Variants in SPIB observed in about 807,000 individuals in gnomAD.
SPIB encodes transcription factor Spi-B.
SPIB carries 7 observed loss-of-function variants against 31.9 expected under a neutral mutation model. The ratio of observed to expected loss-of-function variants is 0.22; its 90% CI spans 0.12 to 0.41. The LOEUF is 0.41. Among genes scored for constraint, SPIB ranks in the 10% least tolerant of loss-of-function variants. The pLI, the probability that SPIB is intolerant of heterozygous loss-of-function variation, is 1.00. For synonymous variants in SPIB, 176 were observed against 158.9 expected, an observed-to-expected ratio of 1.11 and a Z score of -0.81; for missense variants, 327 against 360.2, an observed-to-expected ratio of 0.91 and a Z score of 0.75.
intron 1 of SPIB, among the ~76,000 whole-genome samples, chr19:50,419,295 ATCTGTTCGC>A (rs1458702985): frequency 6.6e-6 from 1 of 151,928 alleles, no homozygotes; most frequent in East Asian, 1.9e-4. Context: ...GAGTTCCCGT[ATCTGTTCGC>A]TCTGTATCTG....
intron 5 of SPIB, among the ~76,000 whole-genome samples, chr19:50,425,543 C>T (rs751968684): frequency 1.8e-4 from 27 of 152,220 alleles, no homozygotes; most frequent in Admixed American, 2.6e-4. Context: ...TGGGCTCAAT[C>T]GATCCTCCTG....
In SPIB at chr19:50,422,667, C is replaced by G. The variant is rs1020894832; in HGVS notation, c.124+122C>G. The stretch of plus-strand genomic sequence containing the variant: ...ATAAAGGTGGCCCGGGCCTATAGCC[C>G]TCCTCCCCTTTCCTCTCCTACCCAT... On this transcript the variant is annotated intron_variant, in intron 3 of 5. Coordinates refer to ENST00000595883, the MANE Select transcript of SPIB (RefSeq NM_003121.5). 3.4e-6 allele frequency: 4 copies of G among 1,189,364 alleles called. No individual in the cohort carries two copies. In the African/African-American group the frequency reaches 4.6e-5, roughly 14 times the overall value. 73.7% of individuals were successfully genotyped at this position (1,189,364 alleles called of 1,614,324 possible).
At chr19:50,422,392 G>A in intron 2 of SPIB, 81 bp from the exon 3 acceptor site, 1 of 1,242,106 alleles carries the variant, frequency 8.1e-7, no homozygotes, top group Non-Finnish European at 1.2e-6. Context: ...CTGTGTTGGA[G>A]TCTCCCCAAG....
At chr19:50,427,276 G>C (rs1309809397) in intron 5 of SPIB, among the ~76,000 whole-genome samples, 1 of 152,024 alleles carries the variant, frequency 6.6e-6, no homozygotes, top group African/African-American at 2.4e-5. Context: ...TGTAATCCCA[G>C]CACTTTGGGA....
At chr19:50,421,572 T>C (rs1236724260) in intron 2 of SPIB, among the ~76,000 whole-genome samples, 3 of 151,332 alleles carry the variant, frequency 2.0e-5, no homozygotes, top group East Asian at 3.9e-4. Flanking sequence ...CTGCCTGCCT[T>C]GGCCTTCCAA....
chr19:50,422,029 C>T (rs946424167), intron 2 of SPIB, among the ~76,000 whole-genome samples: 19 of 152,228 alleles, frequency 1.2e-4, no homozygotes, highest in African/African-American at 4.1e-4. Flanking sequence ...GGATGACAGG[C>T]GTGAGCCACC....
At chr19:50,419,503 T>A (rs1013388590) in intron 1 of SPIB, among the ~76,000 whole-genome samples, 6 of 152,074 alleles carry the variant, frequency 3.9e-5, no homozygotes, top group African/African-American at 1.4e-4. Flanking sequence ...TGCACACCTT[T>A]CTCTGTGTCC....
chr19:50,421,042 A>G (rs888263599), intron 2 of SPIB, among the ~76,000 whole-genome samples: 1 of 152,216 alleles, frequency 6.6e-6, no homozygotes, highest in African/African-American at 2.4e-5. Flanking sequence ...CTTGCTGTAT[A>G]GTACTCTATC....
At position 50,428,467 on chromosome 19, in the gene SPIB, G is replaced by A; in HGVS notation, c.*131G>A. 9.3e-7 allele frequency: 1 copy of A among 1,074,554 alleles called. No individual in the cohort carries two copies. The highest frequency in any genetic ancestry group is 1.3e-6 in the Non-Finnish European group (1 of 773,126). 66.6% of individuals were successfully genotyped at this position (1,074,554 alleles called of 1,614,324 possible). ...ACGCATCCCCACCTTTTGGGGTAAG[G>A]GGAGTGCTGCCCTGCCATAATCCCC... On this transcript the variant is annotated 3_prime_UTR_variant, in exon 6 of 6. Transcript: ENST00000595883. The surrounding 1 kb of genome is among the most constrained non-coding windows in gnomAD (Gnocchi z 6.5).
chr19:50,423,227 A>G, intron 4 of SPIB, 190 bp downstream of exon 4: 1 of 460,838 alleles, frequency 2.2e-6, no homozygotes, highest in Admixed American at 3.8e-5. Flanking sequence ...AAAAAAGAAA[A>G]AGAAAAGAAA....
rs769481358 is a variant in SPIB at position 50,422,954 on chromosome 19, G to T, written c.256G>T (p.Ala86Ser). 1.3e-6 allele frequency: 2 copies of T among 1,591,090 alleles called. No homozygotes were observed. Among genetic ancestry groups the T allele is most frequent in the Admixed American group, 3.5e-5 (2 of 56,960 alleles). ...CTACGAACCCCCCACCTACAGCCCT[G>T]CAGGGAACCTCGAACTGGCCCCCAG... ...LCYEPPTYSP[A>S]GNLELAPSLE... The change falls in exon 4 of 6, where the codon GCA (alanine) becomes TCA (serine). Residue 86 changes from alanine to serine, a missense_variant. Transcript: ENST00000595883.
rs564345767 is a variant in SPIB, at chr19:50,430,847, C to T, written c.*2511C>T. The T allele has an allele frequency of 1.3e-5, 2 of 152,224 alleles. No individual in the cohort carries two copies. The highest frequency in any genetic ancestry group is 4.8e-5 in the African/African-American group (2 of 41,394). The allele number at this position is 152,224 out of a possible 1,614,324, so 9.4% of individuals were successfully genotyped here. On this transcript the variant is annotated 3_prime_UTR_variant, in exon 6 of 6. Transcript: ENST00000595883. ...AAGGAATGCCAATGACCTAGAGACA[C>T]GAGAAGTCCATGTGGAGGCACACAG... is the stretch of plus-strand genomic sequence containing the variant.
Position 50,423,622 on chromosome 19 carries a change from A to G in SPIB, c.357A>G (p.Ala119=). The change falls in exon 5 of 6, where the codon GCA becomes GCG. Residue 119 remains alanine (A), a synonymous_variant. Transcript: ENST00000595883. ...NFASQTLVPP[A]YAPYPSPVLS... ...TTCCGCAGACCCTGGTTCCCCCGGC[A>G]TATGCCCCGTACCCCAGCCCTGTGC... The G allele has an allele frequency of 6.2e-7, 1 of 1,613,904 alleles. No homozygotes were observed. Among genetic ancestry groups the G allele is most frequent in the Non-Finnish European group, 8.5e-7 (1 of 1,179,932 alleles).
Position 50,423,546 on chromosome 19 carries a change from G to A in SPIB, c.340-59G>A. The A allele has an allele frequency of 3.2e-6, 5 of 1,584,752 alleles. No homozygotes were observed. In the South Asian group the frequency reaches 5.7e-5, roughly 18 times the overall value. The stretch of plus-strand genomic sequence containing the variant: ...GAGGGCCACCGCCTTGGCCTGAGAG[G>A]AGGAAGTGGAGGGAGACAAGGGGTC... On this transcript the variant is annotated intron_variant, in intron 4 of 5. Coordinates refer to ENST00000595883, the MANE Select transcript of SPIB (RefSeq NM_003121.5).
At chr19:50,426,209 A>AAAAT (rs984531322) in intron 5 of SPIB, among the ~76,000 whole-genome samples, 21 of 152,062 alleles carry the variant, frequency 1.4e-4, no homozygotes, top group Non-Finnish European at 2.2e-4. Context: ...ACTCCAGCTC[A>AAAAT]AAATAAATAA....
chr19:50,427,933 G>A (rs954692282), intron 5 of SPIB, 105 bp from the exon 6 acceptor site: 2 of 1,254,562 alleles, frequency 1.6e-6, no homozygotes, highest in African/African-American at 3.4e-5. Context: ...CCACTTTTCA[G>A]ATCCAGGAGA....
chr19:50,423,218 A>AG (rs890684784), intron 4 of SPIB, 181 bp downstream of exon 4: 67 of 463,486 alleles, frequency 1.4e-4, no homozygotes, highest in Non-Finnish European at 1.1e-4. Flanking sequence ...AAAAAAAAAA[A>AG]AAAAGAAAAA....
rs1409321959 is a variant in SPIB, at chr19:50,431,200, CT to C, written c.*2867del. 1 of 152,148 alleles carries C rather than the reference CT, an allele frequency of 6.6e-6. No homozygotes were observed. The highest frequency in any genetic ancestry group is 1.5e-5 in the Non-Finnish European group (1 of 68,062). The allele number at this position is 152,148 out of a possible 1,614,324, so 9.4% of individuals were successfully genotyped here. On this transcript the variant is annotated 3_prime_UTR_variant, in exon 6 of 6. Transcript: ENST00000595883. Reference sequence around the variant, plus strand: ...GCGCGGTGGCTCTGTAATCCCAACACTTTGGGGGGCCAAGGCAGGAGGATCG... The same window carrying C: ...GCGCGGTGGCTCTGTAATCCCAACACTTGGGGGGCCAAGGCAGGAGGATCG...
rs1304495611 is a variant in SPIB at position 50,422,495 on chromosome 19, A to G, written c.74A>G (p.Asp25Gly). Residue 25 changes from aspartate to glycine, a missense_variant, in exon 3 of 6, where the codon GAC (aspartate) becomes GGC (glycine). Asp to Gly is a moderately conservative substitution (Grantham distance 94). Around this residue, in one of 4 missense-constraint regions of SPIB, gnomAD observed 238 missense variants for 228.8 expected, o/e 1.04. Coordinates refer to ENST00000595883, the MANE Select transcript of SPIB (RefSeq NM_003121.5). ...CAGTACCCAGATGGCGTCTTCTATGACCTGGACAGCTGCAAGCATTCCAGC... is the reference window on the plus strand; with the variant it reads ...CAGTACCCAGATGGCGTCTTCTATGGCCTGGACAGCTGCAAGCATTCCAGC... ...SCLYPDGVFY[D>G]LDSCKHSSYP... is the part of the protein sequence containing the mutation. 1 of 1,613,808 alleles carries G rather than the reference A, an allele frequency of 6.2e-7. No individual in the cohort carries two copies. The highest frequency in any genetic ancestry group is 8.5e-7 in the Non-Finnish European group (1 of 1,179,936).
Sources: gnomAD v4.1 joint callset for allele counts (sites outside exome capture counted in the v4.1 genomes callset) on GRCh38, gnomAD v4.1.1 for gene constraint, gnomAD v4.1.1 regional missense constraint, Gnocchi (gnomAD v3.1) non-coding constraint, MANE v1.5 for transcripts, NCBI Gene and HGNC (gene_info 2026-07-23, HGNC 2026-07-21) for gene names.